ACTR3B: variants seen among roughly 807,000 people sequenced by gnomAD.
ACTR3B encodes the protein actin related protein 3B.
In ACTR3B, 8 loss-of-function variants were observed where a neutral mutation model predicts 59.0. The ratio of observed to expected loss-of-function variants is 0.14; its 90% CI spans 0.08 to 0.24. The LOEUF is 0.24. ACTR3B is among the 10% of genes least tolerant of loss of function. ACTR3B has a pLI of 1.00. For missense variants in ACTR3B, 245 were observed against 552.3 expected (o/e 0.44, Z 5.58); for synonymous variants, 148 against 197.9 (o/e 0.75, Z 2.12).
chr7:152,764,501 G>A (rs1244156015), intron 1 of ACTR3B, among the ~76,000 whole-genome samples: 6 of 151,830 alleles, frequency 4.0e-5, no homozygotes, highest in South Asian at 2.1e-4. Context: ...AAAATTAGCC[G>A]GGCACACTGG....
At chr7:152,827,590 G>C (rs968467254) in intron 9 of ACTR3B, among the ~76,000 whole-genome samples, 9 of 151,420 alleles carry the variant, frequency 5.9e-5, no homozygotes, top group African/African-American at 2.2e-4. Context: ...TCGGCAGTAG[G>C]CTCCACCACC....
At chr7:152,801,447 T>C (rs2116738151) in intron 3 of ACTR3B, among the ~76,000 whole-genome samples, 174 bp from the exon 4 acceptor site, 1 of 152,312 alleles carries the variant, frequency 6.6e-6, no homozygotes, top group Non-Finnish European at 1.5e-5. Context: ...TGAACAATAA[T>C]GTAACTTAAT....
At position 152,823,391 on chromosome 7, in the gene ACTR3B, A is replaced by G; in HGVS notation, c.734A>G (p.Tyr245Cys). The G allele has an allele frequency of 1.9e-6, 3 of 1,614,274 alleles. No homozygotes were observed. The highest frequency in any genetic ancestry group is 2.2e-5 in the East Asian group (1 of 44,886). Reference protein sequence around the residue: ...CPDIVKEFAKYDVDPRKWIKQ... With the variant: ...CPDIVKEFAKCDVDPRKWIKQ... ...GATATAGTCAAGGAATTTGCCAAGT[A>G]TGATGTGGATCCCCGGAAGTGGATC... The change falls in exon 8 of 12, where the codon TAT becomes TGT. Residue 245 changes from tyrosine (Y) to cysteine (C), a missense_variant. By Grantham distance (194) the Tyr-to-Cys change is radical. Transcript: ENST00000256001.
At chr7:152,837,319 A>G (rs1344086819) in intron 9 of ACTR3B, among the ~76,000 whole-genome samples, 1 of 152,280 alleles carries the variant, frequency 6.6e-6, no homozygotes, top group Non-Finnish European at 1.5e-5. Flanking sequence ...TGGTAATTTC[A>G]CATATTTCTC....
intron 4 of ACTR3B, among the ~76,000 whole-genome samples, chr7:152,808,157 A>T (rs1171602631): frequency 6.6e-6 from 1 of 152,108 alleles, no homozygotes; most frequent in African/African-American, 2.4e-5. Context: ...AGCTTACTTC[A>T]CTTAGCGTCT....
chr7:152,762,998 C>G (rs1330839372), intron 1 of ACTR3B, among the ~76,000 whole-genome samples: 5 of 152,098 alleles, frequency 3.3e-5, no homozygotes, highest in African/African-American at 1.2e-4. Context: ...CTTCACTGTT[C>G]AGTTACTATT....
chr7:152,770,110 T>C (rs1270307137), intron 1 of ACTR3B, among the ~76,000 whole-genome samples: 3 of 152,028 alleles, frequency 2.0e-5, no homozygotes, highest in East Asian at 1.9e-4. Context: ...GATTCTTTAA[T>C]AGTTTATTGG....
chr7:152,805,948 A>G (rs1434812995), intron 4 of ACTR3B, among the ~76,000 whole-genome samples: 2 of 152,150 alleles, frequency 1.3e-5, no homozygotes, highest in Admixed American at 6.5e-5. Flanking sequence ...GGTTGGTTTT[A>G]TGATAGTCAT....
intron 9 of ACTR3B, among the ~76,000 whole-genome samples, chr7:152,834,767 G>A (rs977618727): frequency 6.6e-6 from 1 of 152,210 alleles, no homozygotes; most frequent in African/African-American, 2.4e-5. Context: ...ATACACTGGA[G>A]TCTGTAACTA....
At chr7:152,852,308 G>T in intron 10 of ACTR3B, 57 bp downstream of exon 10, 1 of 1,544,602 alleles carries the variant, frequency 6.5e-7, no homozygotes. Flanking sequence ...GCCTGACCGG[G>T]GCCCTCCTGA....
chr7:152,834,994 C>G (rs1288818484), intron 9 of ACTR3B, among the ~76,000 whole-genome samples: 9 of 151,940 alleles, frequency 5.9e-5, no homozygotes, highest in Admixed American at 2.0e-4. Flanking sequence ...TCCAGGAGAT[C>G]TGCTGATTTC....
intron 6 of ACTR3B, among the ~76,000 whole-genome samples, chr7:152,818,179 C>T (rs1795859991): frequency 6.6e-6 from 1 of 152,198 alleles, no homozygotes. Flanking sequence ...CCCGTAGGCC[C>T]CTGGCCTGCA....
rs568971366 is a variant in ACTR3B, at chr7:152,780,256, C to T, written c.45-2931C>T. Among the ~76,000 whole-genome samples, 527 of 150,250 alleles carry T rather than the reference C, an allele frequency of 3.5e-3. 7 individuals are homozygous for T. The highest frequency in any genetic ancestry group is 9.4e-4 in the Non-Finnish European group (64 of 67,768). ...ATTCCAGCTACTGAGGAGGCTGAGG[C>T]AGGAGAATCGCTTGAAACAGAAAGG... On this transcript the variant is annotated intron_variant, in intron 1 of 11. Coordinates refer to ENST00000256001, the MANE Select transcript of ACTR3B (RefSeq NM_020445.6).
intron 9 of ACTR3B, among the ~76,000 whole-genome samples, chr7:152,826,827 G>A (rs912374906): frequency 5.4e-5 from 8 of 148,742 alleles, no homozygotes; most frequent in Non-Finnish European, 1.0e-4. Context: ...AGTAGATAAT[G>A]ACACTGAGCC....
At chr7:152,803,518 A>C (rs1448767358) in intron 4 of ACTR3B, among the ~76,000 whole-genome samples, 1 of 152,234 alleles carries the variant, frequency 6.6e-6, no homozygotes, top group Non-Finnish European at 1.5e-5. Context: ...GCAGGCACCG[A>C]GCCCAGCTGC....
intron 4 of ACTR3B, among the ~76,000 whole-genome samples, chr7:152,803,168 C>T (rs1189302067): frequency 6.6e-6 from 1 of 152,216 alleles, no homozygotes; most frequent in Non-Finnish European, 1.5e-5. Flanking sequence ...ACCTCAACCA[C>T]CTGAGTAGCT....
chr7:152,810,966 A>G (rs1232745321), intron 4 of ACTR3B: 4 of 152,066 alleles, frequency 2.6e-5, no homozygotes, highest in Admixed American at 2.6e-4. Flanking sequence ...TTAAAAATGT[A>G]TACGGAATGG....
intron 7 of ACTR3B, among the ~76,000 whole-genome samples, 168 bp from the exon 8 acceptor site, chr7:152,823,174 A>G (rs1473902589): frequency 1.3e-5 from 2 of 152,220 alleles, no homozygotes; most frequent in East Asian, 1.9e-4. Flanking sequence ...CATGTCTAAC[A>G]TGAAAGACGA....
At chr7:152,828,135 C>A (rs960007118) in intron 9 of ACTR3B, among the ~76,000 whole-genome samples, 69 of 152,284 alleles carry the variant, frequency 4.5e-4, no homozygotes, top group African/African-American at 1.6e-3. Flanking sequence ...ATGGAAGCCT[C>A]GTTCTAATAC....
Sources: gnomAD v4.1 joint callset for allele counts (sites outside exome capture counted in the v4.1 genomes callset) on GRCh38, gnomAD v4.1.1 for gene constraint, MANE v1.5 for transcripts, NCBI Gene and HGNC (gene_info 2026-07-23, HGNC 2026-07-21) for gene names.